Variants in RASGRF2 observed in about 807,000 individuals in gnomAD.
The protein encoded by RASGRF2 is ras-specific guanine nucleotide-releasing factor 2.
RASGRF2 carries 76 observed loss-of-function variants against 151.0 expected under a neutral mutation model. That is an observed-to-expected ratio of 0.50 (90% CI 0.42 to 0.61). The LOEUF is 0.61. Ranked by LOEUF, RASGRF2 falls within the 20% of genes least tolerant of loss-of-function variation. The pLI, the probability that RASGRF2 is intolerant of heterozygous loss-of-function variation, is 0.00. For missense variants in RASGRF2, 1,148 were observed against 1,564.6 expected (o/e 0.73, Z 4.49); for synonymous variants, 504 against 566.5 (o/e 0.89, Z 1.57).
At chr5:81,045,639 T>G (rs546657339) in intron 2 of RASGRF2, among the ~76,000 whole-genome samples, 1 of 149,174 alleles carries the variant, frequency 6.7e-6, no homozygotes, top group African/African-American at 2.5e-5. Flanking sequence ...TTTTGGTCCA[T>G]TAGGTTTGCT....
intron 1 of RASGRF2, among the ~76,000 whole-genome samples, chr5:81,038,508 C>A (rs1750576597): frequency 7.0e-6 from 1 of 143,644 alleles, no homozygotes; most frequent in African/African-American, 2.6e-5. Context: ...ATGGTGTGTT[C>A]ATATTTTTTG....
rs140486614 is a variant in RASGRF2, at chr5:81,045,970, A to T, written c.395+2987A>T. Among the ~76,000 whole-genome samples, 1,214 of 152,280 alleles carry T rather than the reference A, an allele frequency of 8.0e-3. 14 individuals are homozygous for T. Among genetic ancestry groups the T allele is most frequent in the African/African-American group, 0.028 (1,158 of 41,548 alleles). On this transcript the variant is annotated intron_variant, in intron 2 of 26. Transcript: ENST00000265080. ...ACAATTAATTAATTATGGTTGGTTG[A>T]CTTAACATTTCACCCTCGAAAGACA...
intron 5 of RASGRF2, among the ~76,000 whole-genome samples, chr5:81,077,480 T>C (rs1751972112): frequency 6.6e-6 from 1 of 152,130 alleles, no homozygotes; most frequent in African/African-American, 2.4e-5. Flanking sequence ...GGCGTGTCTG[T>C]AGATGAGTGC....
chr5:80,977,449 T>TTTTATTTATTTATTTATTTATTTA (rs56140758), intron 1 of RASGRF2, among the ~76,000 whole-genome samples: 6 of 150,188 alleles, frequency 4.0e-5, no homozygotes, highest in African/African-American at 1.5e-4. Flanking sequence ...GCTACCAAAA[T>TTTTATTTATTTATTTATTTATTTA]TTTATTTATT....
chr5:81,015,593 A>G (rs1749604909), intron 1 of RASGRF2, among the ~76,000 whole-genome samples: 1 of 152,078 alleles, frequency 6.6e-6, no homozygotes, highest in Non-Finnish European at 1.5e-5. Flanking sequence ...TCCTTTGCCC[A>G]CATTTCTATT....
At chr5:81,161,584 T>C (rs942973698) in intron 17 of RASGRF2, among the ~76,000 whole-genome samples, 2 of 152,226 alleles carry the variant, frequency 1.3e-5, no homozygotes, top group African/African-American at 4.8e-5. Context: ...CAAGAGGCAA[T>C]GATGTATCCC....
Position 81,003,218 on chromosome 5 carries a change from C to CTTTTTTTTTTTTTTTTTTTT in RASGRF2, c.289-39656_289-39637dup, listed in dbSNP as rs1271321430. 2.0e-5 allele frequency among the ~76,000 whole-genome samples: 2 copies of CTTTTTTTTTTTTTTTTTTTT among 97,838 alleles called. 1 individual carries two copies. The allele number at this position is 97,838 out of a possible 152,430, so 64.2% of individuals were successfully genotyped here. The stretch of plus-strand genomic sequence containing the variant: ...TATGGATGCATGCCACCACACCTGG[C>CTTTTTTTTTTTTTTTTTTTT]TTTTTTTTTTTTTTTTTTTTTTGAG... On this transcript the variant is annotated intron_variant, in intron 1 of 26. Transcript: ENST00000265080.
intron 1 of RASGRF2, among the ~76,000 whole-genome samples, chr5:81,039,717 T>C (rs1750622077): frequency 6.6e-6 from 1 of 151,884 alleles, no homozygotes; most frequent in Non-Finnish European, 1.5e-5. Context: ...TTAATATAAC[T>C]TACCATATGT....
intron 12 of RASGRF2, among the ~76,000 whole-genome samples, 163 bp from the exon 13 acceptor site, chr5:81,108,831 ACT>A (rs1491272672): frequency 0.028 from 2,850 of 101,386 alleles, 64 homozygotes; most frequent in Admixed American, 0.056. Flanking sequence ...ATATTTACCT[ACT>A]CTGTGTGTGT....
chr5:81,072,336 A>G (rs770032954), intron 4 of RASGRF2, among the ~76,000 whole-genome samples: 1 of 152,222 alleles, frequency 6.6e-6, no homozygotes, highest in Non-Finnish European at 1.5e-5. Flanking sequence ...TAACATGGTG[A>G]CGACACTGGT....
intron 18 of RASGRF2, among the ~76,000 whole-genome samples, chr5:81,196,388 T>C (rs928779840): frequency 6.6e-6 from 1 of 152,262 alleles, no homozygotes; most frequent in Non-Finnish European, 1.5e-5. Context: ...TCAGAGATTC[T>C]GCTTTGCATT....
chr5:81,025,898 GT>G (rs143201893), intron 1 of RASGRF2, among the ~76,000 whole-genome samples: 16,380 of 151,990 alleles, frequency 0.11, 1,004 homozygotes, highest in South Asian at 0.15. Flanking sequence ...TTGGTAACCT[GT>G]TTGTATGTTT....
intron 5 of RASGRF2, among the ~76,000 whole-genome samples, chr5:81,075,144 C>A (rs1418362470): frequency 6.6e-6 from 1 of 152,086 alleles, no homozygotes; most frequent in Non-Finnish European, 1.5e-5. Context: ...TTTCAGTAAT[C>A]CAAGTAAGAG....
In RASGRF2 at chr5:81,166,842, G is replaced by A. The variant is rs148531695; in HGVS notation, c.2687-13333G>A. 3.9e-4 allele frequency among the ~76,000 whole-genome samples: 59 copies of A among 152,198 alleles called. 1 individual carries two copies. The highest frequency in any genetic ancestry group is 1.0e-3 in the Admixed American group (16 of 15,284). ...GAGATGAGGGGATTTTTCTAAGGCC[G>A]TTCATTGAGCTAAGCCGATTTAAAA... On this transcript the variant is annotated intron_variant, in intron 17 of 26. Coordinates refer to ENST00000265080, the MANE Select transcript of RASGRF2 (RefSeq NM_006909.3).
At chr5:81,053,643 T>A (rs555062011) in intron 2 of RASGRF2, among the ~76,000 whole-genome samples, 88 of 152,316 alleles carry the variant, frequency 5.8e-4, no homozygotes, top group Non-Finnish European at 9.4e-4. Context: ...ATATACCCAG[T>A]AATGGGATGA....
intron 17 of RASGRF2, among the ~76,000 whole-genome samples, 163 bp downstream of exon 17, chr5:81,127,326 C>T (rs1753484680): frequency 6.6e-6 from 1 of 152,158 alleles, no homozygotes; most frequent in African/African-American, 2.4e-5. Flanking sequence ...TAGTTTGAGA[C>T]TAGCCAGGGC....
chr5:80,964,798 T>A (rs935122404), intron 1 of RASGRF2, among the ~76,000 whole-genome samples: 1 of 152,150 alleles, frequency 6.6e-6, no homozygotes, highest in Non-Finnish European at 1.5e-5. Context: ...CAGTTTTACA[T>A]GACATTACTT....
chr5:81,035,180 C>T (rs527951914), intron 1 of RASGRF2, among the ~76,000 whole-genome samples: 8 of 152,198 alleles, frequency 5.3e-5, no homozygotes, highest in African/African-American at 1.7e-4. Context: ...TATTGCAGCA[C>T]TCTCCACAAT....
At chr5:81,170,243 C>A (rs867005600) in intron 17 of RASGRF2, among the ~76,000 whole-genome samples, 1 of 152,274 alleles carries the variant, frequency 6.6e-6, no homozygotes, top group Non-Finnish European at 1.5e-5. Flanking sequence ...ATCTGCATCA[C>A]CTGCATCACT....
Sources: gnomAD v4.1 joint callset for allele counts (sites outside exome capture counted in the v4.1 genomes callset) on GRCh38, gnomAD v4.1.1 for gene constraint, MANE v1.5 for transcripts, NCBI Gene and HGNC (gene_info 2026-07-23, HGNC 2026-07-21) for gene names.